ERBB4: variants seen among roughly 807,000 people sequenced by gnomAD.
ERBB4 encodes the protein erb-b2 receptor tyrosine kinase 4.
Under a neutral mutation model 158.0 loss-of-function variants are expected in ERBB4, and 42 were observed. The observed-to-expected ratio is 0.27, with a 90% confidence interval of 0.21 to 0.34. The LOEUF (loss-of-function observed/expected upper bound fraction) is 0.34. Among genes scored for constraint, ERBB4 ranks in the 10% least tolerant of loss-of-function variants. The pLI, the probability that ERBB4 is intolerant of heterozygous loss-of-function variation, is 1.00. For synonymous variants in ERBB4, 583 were observed against 558.7 expected, an observed-to-expected ratio of 1.04 and a Z score of -0.61; for missense variants, 1,333 against 1,624.1, an observed-to-expected ratio of 0.82 and a Z score of 3.08.
intron 16 of ERBB4, among the ~76,000 whole-genome samples, chr2:211,634,879 T>C (rs929507856): frequency 1.3e-5 from 2 of 152,110 alleles, no homozygotes; most frequent in Non-Finnish European, 2.9e-5. Flanking sequence ...GGTTTCACCA[T>C]GTTGGCCAGT....
intron 3 of ERBB4, among the ~76,000 whole-genome samples, chr2:211,791,385 C>T (rs1055825790): frequency 6.6e-6 from 1 of 151,754 alleles, no homozygotes; most frequent in Non-Finnish European, 1.5e-5. Flanking sequence ...TGTGTTATAC[C>T]AACCAACAGT....
chr2:212,013,377 T>C (rs1164693585), intron 2 of ERBB4, among the ~76,000 whole-genome samples: 1 of 152,134 alleles, frequency 6.6e-6, no homozygotes, highest in African/African-American at 2.4e-5. Flanking sequence ...AAAGAGAGCT[T>C]GATGATAAGG....
At chr2:212,136,707 T>C (rs533842715) in intron 1 of ERBB4, among the ~76,000 whole-genome samples, 20 of 152,336 alleles carry the variant, frequency 1.3e-4, no homozygotes, top group Non-Finnish European at 2.6e-4. Context: ...CCAAGTTATC[T>C]GTCCAAACTT....
chr2:212,346,257 A>G (rs944620296), intron 1 of ERBB4, among the ~76,000 whole-genome samples: 1 of 152,102 alleles, frequency 6.6e-6, no homozygotes, highest in Admixed American at 6.6e-5. Context: ...GATGTGCTGT[A>G]TCTATGTTTT....
chr2:212,483,072 A>T (rs1457392141), intron 1 of ERBB4, among the ~76,000 whole-genome samples: 1 of 152,234 alleles, frequency 6.6e-6, no homozygotes, highest in Non-Finnish European at 1.5e-5. Context: ...CAGAGAGGCC[A>T]ATCATTTCCC....
chr2:211,408,374 C>T (rs2063187747), intron 25 of ERBB4, among the ~76,000 whole-genome samples: 2 of 152,154 alleles, frequency 1.3e-5, no homozygotes, highest in African/African-American at 2.4e-5. Context: ...CTAGTTGTCC[C>T]TCCCACCTCT....
chr2:212,446,340 G>A (rs1175120678), intron 1 of ERBB4, among the ~76,000 whole-genome samples: 8 of 151,460 alleles, frequency 5.3e-5, no homozygotes, highest in Admixed American at 5.3e-4. Flanking sequence ...CCTTAATCTG[G>A]TGGGCACAAT....
chr2:211,472,345 TGATAA>T (rs1445886788), intron 20 of ERBB4, among the ~76,000 whole-genome samples: 1 of 149,760 alleles, frequency 6.7e-6, no homozygotes, highest in East Asian at 1.9e-4. Flanking sequence ...AATATTGATA[TGATAA>T]AAGTCAAATT....
chr2:212,105,023 A>T, intron 2 of ERBB4, among the ~76,000 whole-genome samples: 1 of 99,530 alleles, frequency 1.0e-5, no homozygotes, highest in South Asian at 2.5e-4. Context: ...TTTCAAAAAG[A>T]TATAATTTCT....
chr2:211,606,889 C>G (rs2069001644), intron 19 of ERBB4, among the ~76,000 whole-genome samples: 1 of 152,086 alleles, frequency 6.6e-6, no homozygotes. Context: ...AAAACCTTTT[C>G]TGATGTTATA....
chr2:212,387,165 G>T (rs2090702378), intron 1 of ERBB4, among the ~76,000 whole-genome samples: 1 of 152,108 alleles, frequency 6.6e-6, no homozygotes, highest in Non-Finnish European at 1.5e-5. Flanking sequence ...CTACAAAGGA[G>T]TACGGTTATT....
intron 4 of ERBB4, among the ~76,000 whole-genome samples, chr2:211,751,928 A>G (rs1460534837): frequency 2.6e-5 from 4 of 152,212 alleles, no homozygotes; most frequent in Non-Finnish European, 5.9e-5. Context: ...ACTTAGGTTC[A>G]ATTCCAGTCA....
chr2:212,143,103 CA>C (rs1220079300), intron 1 of ERBB4, among the ~76,000 whole-genome samples: 1 of 151,992 alleles, frequency 6.6e-6, no homozygotes, highest in African/African-American at 2.4e-5. Context: ...TTACATATTT[CA>C]AGTCATATTT....
intron 20 of ERBB4, among the ~76,000 whole-genome samples, chr2:211,442,964 T>C (rs1574497896): frequency 3.3e-5 from 5 of 152,050 alleles, no homozygotes; most frequent in African/African-American, 1.2e-4. Context: ...CCTGTGGAGA[T>C]GACATAACTC....
At chr2:212,187,746 T>C (rs2125702435) in intron 1 of ERBB4, among the ~76,000 whole-genome samples, 1 of 152,272 alleles carries the variant, frequency 6.6e-6, no homozygotes, top group East Asian at 1.9e-4. Flanking sequence ...TTTCAGTGGC[T>C]GTAGCTAGTG....
intron 23 of ERBB4, 109 bp from the exon 24 acceptor site, chr2:211,422,213 T>A: frequency 2.8e-6 from 2 of 721,016 alleles, no homozygotes; most frequent in Non-Finnish European, 4.9e-6. Flanking sequence ...GTTTTAATCG[T>A]AATGATCTGA....
chr2:211,541,668 A>C (rs2066813589), intron 20 of ERBB4, among the ~76,000 whole-genome samples: 1 of 152,032 alleles, frequency 6.6e-6, no homozygotes, highest in Admixed American at 6.6e-5. Context: ...GGAAGCTTAT[A>C]GCTGTTGCAA....
chr2:211,529,314 C>T (rs2066433487), intron 20 of ERBB4, among the ~76,000 whole-genome samples: 1 of 151,182 alleles, frequency 6.6e-6, no homozygotes, highest in South Asian at 2.1e-4. Flanking sequence ...TGAAGAAATC[C>T]AAAACCTGAA....
chr2:211,415,318 A>G (rs1484883275), intron 25 of ERBB4, among the ~76,000 whole-genome samples: 4 of 150,790 alleles, frequency 2.7e-5, no homozygotes, highest in Non-Finnish European at 5.9e-5. Context: ...GCGGGGTTTC[A>G]CCGCGTTAGC....
Sources: gnomAD v4.1 joint callset for allele counts (sites outside exome capture counted in the v4.1 genomes callset) on GRCh38, gnomAD v4.1.1 for gene constraint, MANE v1.5 for transcripts, NCBI Gene and HGNC (gene_info 2026-07-23, HGNC 2026-07-21) for gene names.